ELOVL7: variants seen among roughly 807,000 people sequenced by gnomAD.
ELOVL7 encodes the protein ELOVL fatty acid elongase 7.
Under a neutral mutation model 35.7 loss-of-function variants are expected in ELOVL7, and 27 were observed. The observed-to-expected ratio is 0.76, with a 90% confidence interval of 0.56 to 1.04. The LOEUF (loss-of-function observed/expected upper bound fraction) is 1.04. Ranked by LOEUF, ELOVL7 falls within the 50% of genes least tolerant of loss-of-function variation. The pLI, the probability that ELOVL7 is intolerant of heterozygous loss-of-function variation, is 0.00. For missense variants in ELOVL7, 327 were observed against 340.8 expected (o/e 0.96, Z 0.32); for synonymous variants, 113 against 114.6 (o/e 0.99, Z 0.09).
intron 7 of ELOVL7, among the ~76,000 whole-genome samples, chr5:60,761,723 T>A (rs1741922486): frequency 6.6e-6 from 1 of 152,112 alleles, no homozygotes. Flanking sequence ...GCTGTTTGAA[T>A]TCATAAAAAT....
intron 3 of ELOVL7, among the ~76,000 whole-genome samples, chr5:60,776,908 T>C (rs542076427): frequency 2.0e-5 from 3 of 152,192 alleles, no homozygotes; most frequent in African/African-American, 4.8e-5. Context: ...GACAGATAAA[T>C]AGGAGATTAT....
chr5:60,777,137 T>C (rs1742956344), intron 3 of ELOVL7, among the ~76,000 whole-genome samples: 1 of 151,878 alleles, frequency 6.6e-6, no homozygotes, highest in African/African-American at 2.4e-5. Flanking sequence ...GAATAGCTAA[T>C]GGGTACAAAG....
intron 1 of ELOVL7, among the ~76,000 whole-genome samples, chr5:60,830,714 T>C (rs1286756566): frequency 1.3e-5 from 2 of 152,082 alleles, no homozygotes; most frequent in Non-Finnish European, 2.9e-5. Flanking sequence ...TTTAAAAGTA[T>C]ATTTCAGTAT....
chr5:60,754,781 T>C lies in ELOVL7; in HGVS notation c.689A>G (p.Asp230Gly), dbSNP rs546154166. ...IHISQFFFMEDCKYQFPVFAC... is the reference protein window; with the variant it reads ...IHISQFFFMEGCKYQFPVFAC... Reference sequence around the variant, plus strand: ...AAAGACTGGAAACTGATACTTGCAATCCTCCATGAAAAAGAACTGGCTTAT... The same window carrying C: ...AAAGACTGGAAACTGATACTTGCAACCCTCCATGAAAAAGAACTGGCTTAT... The change falls in exon 9 of 9, where the codon GAT becomes GGT. Residue 230 changes from aspartate (D) to glycine (G), a missense_variant. By Grantham distance (94) the Asp-to-Gly change is moderately conservative. Coordinates refer to ENST00000508821, the MANE Select transcript of ELOVL7 (RefSeq NM_024930.3). The C allele has an allele frequency of 3.1e-6, 5 of 1,613,968 alleles. No homozygotes were observed. The Admixed American group carries it at 8.3e-5, about 27-fold the overall frequency.
At chr5:60,801,116 G>A (rs1263214957) in intron 1 of ELOVL7, among the ~76,000 whole-genome samples, 3 of 151,886 alleles carry the variant, frequency 2.0e-5, no homozygotes, top group Admixed American at 2.0e-4. Flanking sequence ...TTGTAGAGAT[G>A]GGTGTCTTAC....
chr5:60,768,510 G>A (rs1460959), intron 4 of ELOVL7: 66,190 of 299,220 alleles, frequency 0.22, 12,335 homozygotes, highest in African/African-American at 0.63. Context: ...GAAAATGCTC[G>A]TTAACAATAA....
At position 60,753,845 on chromosome 5, in the gene ELOVL7, C is replaced by T. The variant is rs1741381040; in HGVS notation, c.*779G>A. The T allele has an allele frequency of 6.6e-6, 1 of 152,120 alleles. No individual in the cohort carries two copies. The allele number at this position is 152,120 out of a possible 1,614,324, so 9.4% of individuals were successfully genotyped here. On this transcript the variant is annotated 3_prime_UTR_variant, in exon 9 of 9. Coordinates refer to ENST00000508821, the MANE Select transcript of ELOVL7 (RefSeq NM_024930.3). ...AAATTCACCTCTTTCCAGAGATATA[C>T]AAAGTTAATTGTAAAACAGTAATAG...
chr5:60,776,015 A>G (rs753779960), intron 3 of ELOVL7, among the ~76,000 whole-genome samples: 34 of 152,374 alleles, frequency 2.2e-4, no homozygotes, highest in Admixed American at 2.6e-4. Context: ...GCTTTTGCAC[A>G]GCAAAAGAAA....
At chr5:60,762,079 T>C (rs959869506) in intron 7 of ELOVL7, among the ~76,000 whole-genome samples, 2 of 152,024 alleles carry the variant, frequency 1.3e-5, no homozygotes, top group Non-Finnish European at 2.9e-5. Flanking sequence ...GCATGGAACA[T>C]ATGAGAGAGA....
chr5:60,772,208 G>A (rs151297238), intron 3 of ELOVL7, 115 bp from the exon 4 acceptor site: 2 of 636,596 alleles, frequency 3.1e-6, no homozygotes, highest in Non-Finnish European at 2.7e-6. Context: ...AGCTATTTGG[G>A]CAGTGATCAC....
intron 1 of ELOVL7, among the ~76,000 whole-genome samples, chr5:60,818,913 C>T (rs1745698406): frequency 6.7e-6 from 1 of 150,332 alleles, no homozygotes; most frequent in Non-Finnish European, 1.5e-5. Flanking sequence ...GAGGCTGAGA[C>T]AGGAGAATCA....
Position 60,829,466 on chromosome 5 carries a change from A to T in ELOVL7, c.-86+14694T>A, listed in dbSNP as rs138560245. On this transcript the variant is annotated intron_variant, in intron 1 of 8. Coordinates refer to ENST00000508821, the MANE Select transcript of ELOVL7 (RefSeq NM_024930.3). ...AGTGAATTTTCTCATTACATGGAAG[A>T]TTTTTGCATGTCAAGTACAGAAAAT... Among the ~76,000 whole-genome samples, 7 of 152,286 alleles carry T rather than the reference A, an allele frequency of 4.6e-5. No individual in the cohort carries two copies. The East Asian group carries it at 1.2e-3, about 25-fold the overall frequency.
At chr5:60,837,682 C>G (rs977809976) in intron 1 of ELOVL7, among the ~76,000 whole-genome samples, 5 of 152,146 alleles carry the variant, frequency 3.3e-5, no homozygotes, top group Admixed American at 3.3e-4. Context: ...TGGCTCATGC[C>G]TGTAATCCCA....
Position 60,754,709 on chromosome 5 carries a change from A to T in ELOVL7, c.761T>A (p.Leu254His). ...GGTGTAAGCACGGTACCAAAAATGGAGAAAGAGCAGCAGAAACATGAAACT... is the reference window on the plus strand; with the variant it reads ...GGTGTAAGCACGGTACCAAAAATGGTGAAAGAGCAGCAGAAACATGAAACT... ...SYSFMFLLLFLHFWYRAYTKG... is the reference protein window; with the variant it reads ...SYSFMFLLLFHHFWYRAYTKG... Residue 254 changes from leucine (L) to histidine (H), a missense_variant, in exon 9 of 9, where the codon CTC becomes CAC. By Grantham distance (99) the Leu-to-His change is moderately conservative. Coordinates refer to ENST00000508821, the MANE Select transcript of ELOVL7 (RefSeq NM_024930.3). 1 of 1,614,148 alleles carries T rather than the reference A, an allele frequency of 6.2e-7. No homozygotes were observed. Among genetic ancestry groups the T allele is most frequent in the Non-Finnish European group, 8.5e-7 (1 of 1,180,016 alleles).
At chr5:60,815,897 C>A (rs1362022113) in intron 1 of ELOVL7, among the ~76,000 whole-genome samples, 1 of 152,086 alleles carries the variant, frequency 6.6e-6, no homozygotes, top group Non-Finnish European at 1.5e-5. Context: ...TATCTGAGGT[C>A]AATGGAGTGA....
At chr5:60,831,401 C>T (rs1199640107) in intron 1 of ELOVL7, among the ~76,000 whole-genome samples, 1 of 152,206 alleles carries the variant, frequency 6.6e-6, no homozygotes, top group East Asian at 1.9e-4. Flanking sequence ...TAGGCCACCT[C>T]CCCAGAGATT....
chr5:60,754,855 A>T (rs1741440499), intron 8 of ELOVL7, 22 bp from the exon 9 acceptor site: 2 of 1,603,768 alleles, frequency 1.2e-6, no homozygotes, highest in Middle Eastern at 1.7e-4. Flanking sequence ...AAACGTGAAA[A>T]AAAATTATTC....
intron 4 of ELOVL7, among the ~76,000 whole-genome samples, chr5:60,770,744 G>T (rs1050464979): frequency 6.6e-6 from 1 of 152,120 alleles, no homozygotes; most frequent in African/African-American, 2.4e-5. Flanking sequence ...ACAGGGTCTT[G>T]CTCCGTCACT....
chr5:60,795,936 C>T (rs528832705), intron 2 of ELOVL7, among the ~76,000 whole-genome samples: 75 of 152,294 alleles, frequency 4.9e-4, no homozygotes, highest in African/African-American at 1.5e-3. Flanking sequence ...AAAGGCTTGC[C>T]GCCATCTTGG....
Sources: allele counts gnomAD v4.1 joint callset (sites outside exome capture counted in the v4.1 genomes callset), GRCh38; gene constraint gnomAD v4.1.1; transcripts MANE v1.5; gene names NCBI Gene and HGNC (gene_info 2026-07-23, HGNC 2026-07-21).